The following MTUS2 variants were observed in gnomAD, a reference collection of about 807,000 sequenced individuals.
MTUS2 encodes microtubule-associated tumor suppressor candidate 2.
A neutral mutation model predicts 114.1 loss-of-function variants in MTUS2; 40 were observed. The ratio of observed to expected loss-of-function variants is 0.35; its 90% CI spans 0.27 to 0.46. The LOEUF (loss-of-function observed/expected upper bound fraction) is 0.46, where lower values mean the gene tolerates loss of function less well. MTUS2 is among the 20% of genes least tolerant of loss of function. The pLI, the probability that MTUS2 is intolerant of heterozygous loss-of-function variation, is 1.00. For synonymous variants in MTUS2, 688 were observed against 672.0 expected, an observed-to-expected ratio of 1.02 and a Z score of -0.37; for missense variants, 1,679 against 1,705.4, an observed-to-expected ratio of 0.98 and a Z score of 0.27.
At chr13:29,162,079 T>C (rs750671928) in intron 5 of MTUS2, among the ~76,000 whole-genome samples, 1 of 152,136 alleles carries the variant, frequency 6.6e-6, no homozygotes, top group Non-Finnish European at 1.5e-5. Flanking sequence ...ATCCCTCCAA[T>C]CACTGCCTCT....
chr13:29,329,555 T>C (rs1167811228), intron 7 of MTUS2, among the ~76,000 whole-genome samples: 2 of 152,024 alleles, frequency 1.3e-5, no homozygotes, highest in Non-Finnish European at 2.9e-5. Context: ...GGTATTTGGG[T>C]TGATTCCAAG....
chr13:29,368,152 A>G (rs1206192441), intron 8 of MTUS2, among the ~76,000 whole-genome samples: 1 of 151,710 alleles, frequency 6.6e-6, no homozygotes, highest in South Asian at 2.1e-4. Flanking sequence ...GTTAGCCAGG[A>G]TGGTCTCGAT....
intron 2 of MTUS2, among the ~76,000 whole-genome samples, chr13:28,897,184 A>G (rs1879327650): frequency 6.6e-6 from 1 of 152,198 alleles, no homozygotes; most frequent in Non-Finnish European, 1.5e-5. Context: ...AGAATCTACA[A>G]TGAACTCAAA....
chr13:28,955,704 G>GGAGGTT (rs1566250084), intron 2 of MTUS2, among the ~76,000 whole-genome samples: 1 of 152,004 alleles, frequency 6.6e-6, no homozygotes. Flanking sequence ...TCATCTATGG[G>GGAGGTT]GAGGTTGAGG....
intron 1 of MTUS2, among the ~76,000 whole-genome samples, chr13:28,831,269 C>T (rs1874658688): frequency 6.6e-6 from 1 of 152,080 alleles, no homozygotes; most frequent in South Asian, 2.1e-4. Flanking sequence ...AGCAAAATGG[C>T]AGATGTAAAA....
chr13:29,437,761 A>G (rs1001581387), intron 8 of MTUS2, among the ~76,000 whole-genome samples: 1 of 152,164 alleles, frequency 6.6e-6, no homozygotes, highest in African/African-American at 2.4e-5. Flanking sequence ...ATCCTGAGCA[A>G]CATGGTGAAA....
intron 8 of MTUS2, among the ~76,000 whole-genome samples, chr13:29,365,510 T>TTGTGTGTGTGTGTGTGTGTGTG (rs56164752): frequency 0.11 from 15,699 of 146,760 alleles, 990 homozygotes; most frequent in East Asian, 0.17. Flanking sequence ...TTGTTTGGGT[T>TTGTGTGTGTGTGTGTGTGTGTG]TGTGTGTGTG....
At chr13:29,001,378 G>A (rs1885375976) in intron 2 of MTUS2, among the ~76,000 whole-genome samples, 1 of 152,186 alleles carries the variant, frequency 6.6e-6, no homozygotes, top group Admixed American at 6.5e-5. Context: ...GAAGTAGTCA[G>A]ATGCTGGATC....
intron 4 of MTUS2, among the ~76,000 whole-genome samples, chr13:29,043,352 T>G (rs943120683): frequency 1.2e-4 from 18 of 152,132 alleles, no homozygotes; most frequent in African/African-American, 4.1e-4. Flanking sequence ...TTGTGGCCTA[T>G]CATATGCTCT....
chr13:29,495,936 A>G (rs1882524966), intron 12 of MTUS2, among the ~76,000 whole-genome samples: 2 of 150,418 alleles, frequency 1.3e-5, no homozygotes, highest in African/African-American at 5.0e-5. Context: ...GTGTGTGTGT[A>G]TCTATATATC....
intron 5 of MTUS2, among the ~76,000 whole-genome samples, chr13:29,139,053 T>C (rs2138992772): frequency 6.6e-6 from 1 of 151,918 alleles, no homozygotes; most frequent in Admixed American, 6.6e-5. Flanking sequence ...TTTTTTTTTT[T>C]CTTTACTAAC....
At chr13:28,884,328 T>G (rs1046791518) in intron 2 of MTUS2, among the ~76,000 whole-genome samples, 2 of 152,306 alleles carry the variant, frequency 1.3e-5, no homozygotes, top group African/African-American at 4.8e-5. Context: ...TGTATGATTC[T>G]ACTTACATGA....
chr13:29,410,924 C>G (rs553089666), intron 8 of MTUS2, among the ~76,000 whole-genome samples: 37 of 152,206 alleles, frequency 2.4e-4, no homozygotes, highest in African/African-American at 7.7e-4. Context: ...CTCTGCCTCC[C>G]GGGTTCAAGC....
At chr13:29,020,502 A>C (rs1277873745) in intron 2 of MTUS2, among the ~76,000 whole-genome samples, 1 of 152,128 alleles carries the variant, frequency 6.6e-6, no homozygotes, top group African/African-American at 2.4e-5. Flanking sequence ...AGGGAGCTGG[A>C]GTGAGGGAGA....
chr13:28,831,923 T>C (rs1031716271), intron 1 of MTUS2, among the ~76,000 whole-genome samples: 1 of 148,776 alleles, frequency 6.7e-6, no homozygotes, highest in Non-Finnish European at 1.5e-5. Flanking sequence ...TGCCTGGCTA[T>C]TTTTTTGTAT....
At chr13:29,244,476 A>G (rs1187912351) in intron 5 of MTUS2, among the ~76,000 whole-genome samples, 1 of 152,094 alleles carries the variant, frequency 6.6e-6, no homozygotes, top group Non-Finnish European at 1.5e-5. Context: ...ATTAGGAGGA[A>G]ATGAAGGGCA....
chr13:28,972,268 A>G (rs940360170), intron 2 of MTUS2, among the ~76,000 whole-genome samples: 4 of 152,228 alleles, frequency 2.6e-5, no homozygotes, highest in African/African-American at 9.6e-5. Context: ...TCACAGGTAC[A>G]ATAACAAATG....
chr13:29,393,607 A>T (rs895485416), intron 8 of MTUS2, among the ~76,000 whole-genome samples: 8 of 152,106 alleles, frequency 5.3e-5, no homozygotes, highest in African/African-American at 1.9e-4. Context: ...TGAAGACAAA[A>T]CTCAGGCTGT....
chr13:28,976,568 T>C (rs1884116209), intron 2 of MTUS2, among the ~76,000 whole-genome samples: 1 of 152,134 alleles, frequency 6.6e-6, no homozygotes, highest in Non-Finnish European at 1.5e-5. Context: ...GTGGCTGTTG[T>C]GATAGTCCAG....
Sources: allele counts gnomAD v4.1 joint callset (sites outside exome capture counted in the v4.1 genomes callset), GRCh38; gene constraint gnomAD v4.1.1; transcripts MANE v1.5; gene names NCBI Gene and HGNC (gene_info 2026-07-23, HGNC 2026-07-21).